PRKCE: variants seen among roughly 807,000 people sequenced by gnomAD.
PRKCE encodes the protein protein kinase C epsilon, also known as protein kinase C epsilon type.
A neutral mutation model predicts 85.4 loss-of-function variants in PRKCE; 16 were observed. The ratio of observed to expected loss-of-function variants is 0.19; its 90% CI spans 0.13 to 0.28. The LOEUF (loss-of-function observed/expected upper bound fraction) is 0.28. Ranked by LOEUF, PRKCE falls within the 10% of genes least tolerant of loss-of-function variation. The pLI is 1.00. For synonymous variants in PRKCE, 388 were observed against 371.5 expected, an observed-to-expected ratio of 1.04 and a Z score of -0.51; for missense variants, 573 against 975.2, an observed-to-expected ratio of 0.59 and a Z score of 5.49.
chr2:45,943,548 A>C (rs750191361), intron 2 of PRKCE, among the ~76,000 whole-genome samples: 5 of 152,244 alleles, frequency 3.3e-5, no homozygotes, highest in Non-Finnish European at 7.3e-5. Flanking sequence ...AAGACTCAAA[A>C]TGGTTGAGGT....
intron 9 of PRKCE, 125 bp downstream of exon 9, chr2:46,007,786 T>C: frequency 1.8e-6 from 2 of 1,127,152 alleles, no homozygotes; most frequent in Non-Finnish European, 2.5e-6. Flanking sequence ...TTTCCTTTTT[T>C]GTAAGTGCAA....
Position 45,712,047 on chromosome 2 carries a change from T to C in PRKCE, c.348+59599T>C, listed in dbSNP as rs150018550. 6.0e-3 allele frequency among the ~76,000 whole-genome samples: 920 copies of C among 152,206 alleles called. 10 individuals carry two copies. Among genetic ancestry groups the C allele is most frequent in the African/African-American group, 0.02 (831 of 41,540 alleles). ...TCCTCAGTTTAGCCCCCACTGTTACTTGAGTAAAGAATTACATCTTCTCCA... is the reference window on the plus strand; with the variant it reads ...TCCTCAGTTTAGCCCCCACTGTTACCTGAGTAAAGAATTACATCTTCTCCA... On this transcript the variant is annotated intron_variant, in intron 1 of 14. Transcript: ENST00000306156.
chr2:46,185,047 C>T lies in PRKCE; in HGVS notation c.*166C>T. ...CCCTTGCCCCAGGCCACCTCCTCCCCCTCCCACCTGGTGACCAGAAGGCGC... is the reference window on the plus strand; with the variant it reads ...CCCTTGCCCCAGGCCACCTCCTCCCTCTCCCACCTGGTGACCAGAAGGCGC... On this transcript the variant is annotated 3_prime_UTR_variant, in exon 15 of 15. Coordinates refer to ENST00000306156, the MANE Select transcript of PRKCE (RefSeq NM_005400.3). This position sits in a 1 kb window ranked among gnomAD's most constrained non-coding sequence, Gnocchi z 4.7. The T allele has an allele frequency of 1.1e-6, 1 of 923,986 alleles. No individual in the cohort carries two copies. The highest frequency in any genetic ancestry group is 1.6e-6 in the Non-Finnish European group (1 of 629,122). 57.2% of individuals were successfully genotyped at this position (923,986 alleles called of 1,614,324 possible).
rs1313774539 is a variant in PRKCE, at chr2:46,004,693, A to T, written c.1063+55A>T. The T allele has an allele frequency of 7.1e-7, 1 of 1,408,782 alleles. No individual in the cohort carries two copies. The highest frequency in any genetic ancestry group is 2.5e-5 in the East Asian group (1 of 40,494). 87.3% of individuals were successfully genotyped at this position (1,408,782 alleles called of 1,614,324 possible). ...CTGAGTTCTGCCATTGGATGGACCA[A>T]GGAGCTCTGAGGCCTCTTTAACCAA... On this transcript the variant is annotated intron_variant, in intron 8 of 14. Transcript: ENST00000306156. The surrounding 1 kb of genome is among the most constrained non-coding windows in gnomAD (Gnocchi z 4.1).
chr2:45,661,677 C>T lies in PRKCE; in HGVS notation c.348+9229C>T, dbSNP rs371248886. ...CCGAGTAGCTGGGACTACAGGTGCC[C>T]GCCACCACGCCCAGCTAATTTTTTT... On this transcript the variant is annotated intron_variant, in intron 1 of 14. Transcript: ENST00000306156. Among the ~76,000 whole-genome samples the T allele has an allele frequency of 2.1e-4, 31 of 147,402 alleles. No individual in the cohort carries two copies. The South Asian group carries it at 3.8e-3, about 18-fold the overall frequency.
chr2:46,085,778 T>G (rs1669579725), intron 10 of PRKCE, among the ~76,000 whole-genome samples: 1 of 103,628 alleles, frequency 9.6e-6, no homozygotes, highest in Non-Finnish European at 1.9e-5. Flanking sequence ...TTTTTAGCCA[T>G]ATAAGGTAAC....
At chr2:45,972,285 G>A (rs375392957) in intron 2 of PRKCE, among the ~76,000 whole-genome samples, 11 of 152,124 alleles carry the variant, frequency 7.2e-5, no homozygotes, top group Middle Eastern at 3.4e-3. Context: ...AAGTCTACTC[G>A]GTTCTTTTGC....
chr2:46,044,907 T>G lies in PRKCE; in HGVS notation c.1437+34390T>G, dbSNP rs117904659. On this transcript the variant is annotated intron_variant, in intron 10 of 14. Transcript: ENST00000306156. Reference sequence around the variant, plus strand: ...AGGCTTCACTCCACGTGGTGTGTGATTCTAGTGTATGTTACATGTTTGTAT... The same window carrying G: ...AGGCTTCACTCCACGTGGTGTGTGAGTCTAGTGTATGTTACATGTTTGTAT... 3.5e-3 allele frequency among the ~76,000 whole-genome samples: 535 copies of G among 152,330 alleles called. 33 individuals carry two copies. In the East Asian group the frequency reaches 0.092, roughly 26 times the overall value.
intron 10 of PRKCE, among the ~76,000 whole-genome samples, chr2:46,074,494 C>G (rs1250554496): frequency 6.6e-6 from 1 of 150,392 alleles, no homozygotes; most frequent in Admixed American, 6.6e-5. Context: ...ACAATAGCAG[C>G]AGGAGGAGCC....
intron 2 of PRKCE, among the ~76,000 whole-genome samples, chr2:45,946,720 G>C (rs1055562240): frequency 6.6e-6 from 1 of 152,140 alleles, no homozygotes; most frequent in Non-Finnish European, 1.5e-5. Context: ...TGACATGCTG[G>C]GTTAATAGCT....
intron 10 of PRKCE, among the ~76,000 whole-genome samples, chr2:46,033,889 T>C (rs1707695748): frequency 6.6e-6 from 1 of 152,014 alleles, no homozygotes; most frequent in South Asian, 2.1e-4. Context: ...AAAGAGCATT[T>C]CTGATGAGAG....
chr2:45,818,969 G>T (rs1689303652), intron 1 of PRKCE, among the ~76,000 whole-genome samples: 1 of 152,188 alleles, frequency 6.6e-6, no homozygotes. Context: ...TGAAGTGTTA[G>T]AGGCACTAAA....
At chr2:46,121,142 C>T (rs900106040) in intron 11 of PRKCE, among the ~76,000 whole-genome samples, 8 of 152,236 alleles carry the variant, frequency 5.3e-5, no homozygotes, top group Admixed American at 6.5e-5. Context: ...TAAAATGTCA[C>T]TTTACCATCA....
intron 10 of PRKCE, among the ~76,000 whole-genome samples, chr2:46,061,307 A>C (rs2105125226): frequency 6.6e-6 from 1 of 151,886 alleles, no homozygotes; most frequent in Admixed American, 6.6e-5. Flanking sequence ...ATGGGGTTTT[A>C]CCATGTTGCT....
chr2:45,867,843 G>C (rs1224968271), intron 2 of PRKCE, among the ~76,000 whole-genome samples: 1 of 152,190 alleles, frequency 6.6e-6, no homozygotes, highest in Non-Finnish European at 1.5e-5. Flanking sequence ...AGACCTGATG[G>C]AGCTGTTGTT....
At chr2:45,682,348 A>G (rs1429534026) in intron 1 of PRKCE, among the ~76,000 whole-genome samples, 1 of 152,256 alleles carries the variant, frequency 6.6e-6, no homozygotes, top group Non-Finnish European at 1.5e-5. Flanking sequence ...AGTACGAGGT[A>G]GGAACTTTTG....
chr2:46,052,671 A>T (rs561458140), intron 10 of PRKCE, among the ~76,000 whole-genome samples: 1 of 152,238 alleles, frequency 6.6e-6, no homozygotes, highest in Non-Finnish European at 1.5e-5. Flanking sequence ...AAATTGAATA[A>T]GATATGCAAA....
chr2:45,990,818 C>A (rs772498499), intron 6 of PRKCE, among the ~76,000 whole-genome samples: 1 of 151,664 alleles, frequency 6.6e-6, no homozygotes, highest in Non-Finnish European at 1.5e-5. Context: ...CATGCCACCA[C>A]ACTAGGCTAA....
At chr2:46,128,178 T>A (rs931398061) in intron 11 of PRKCE, among the ~76,000 whole-genome samples, 2 of 152,238 alleles carry the variant, frequency 1.3e-5, no homozygotes, top group African/African-American at 4.8e-5. Context: ...TATTGTCATT[T>A]GCCATTGTGT....
Sources: allele counts gnomAD v4.1 joint callset (sites outside exome capture counted in the v4.1 genomes callset), GRCh38; gene constraint gnomAD v4.1.1; non-coding constraint Gnocchi (gnomAD v3.1); transcripts MANE v1.5; gene names NCBI Gene and HGNC (gene_info 2026-07-23, HGNC 2026-07-21).